The following MYRIP variants were observed in gnomAD, a reference collection of about 807,000 sequenced individuals.
The protein encoded by MYRIP is rab effector MyRIP.
Under a neutral mutation model 98.0 loss-of-function variants are expected in MYRIP, and 49 were observed. The ratio of observed to expected loss-of-function variants is 0.50; its 90% CI spans 0.40 to 0.63. The LOEUF (loss-of-function observed/expected upper bound fraction) is 0.63. MYRIP is among the 30% of genes least tolerant of loss of function. MYRIP has a pLI of 0.00. For missense variants in MYRIP, 1,004 were observed against 1,058.2 expected (o/e 0.95, Z 0.71); for synonymous variants, 404 against 409.5 (o/e 0.99, Z 0.16).
chr3:39,936,687 G>C (rs548702780), intron 2 of MYRIP, among the ~76,000 whole-genome samples: 1 of 152,132 alleles, frequency 6.6e-6, no homozygotes. Context: ...TGCTTGCACC[G>C]TAATACACAA....
chr3:40,011,916 A>T (rs1387745546), intron 2 of MYRIP, among the ~76,000 whole-genome samples: 1 of 152,236 alleles, frequency 6.6e-6, no homozygotes, highest in Admixed American at 6.5e-5. Context: ...GATTTCCAAT[A>T]TGTAAAAGAT....
At chr3:40,103,930 A>G (rs935356342) in intron 3 of MYRIP, among the ~76,000 whole-genome samples, 8 of 152,254 alleles carry the variant, frequency 5.3e-5, no homozygotes, top group Admixed American at 2.0e-4. Flanking sequence ...TGTTGACAGT[A>G]TGCCATCAAT....
At chr3:40,101,569 C>T (rs1575538480) in intron 3 of MYRIP, among the ~76,000 whole-genome samples, 1 of 152,142 alleles carries the variant, frequency 6.6e-6, no homozygotes, top group East Asian at 1.9e-4. Context: ...CAGATTAATT[C>T]TCTAGTTTTC....
At chr3:40,010,066 G>C (rs1226449005) in intron 2 of MYRIP, among the ~76,000 whole-genome samples, 1 of 152,184 alleles carries the variant, frequency 6.6e-6, no homozygotes, top group Non-Finnish European at 1.5e-5. Flanking sequence ...AGGGTCCTAG[G>C]CAGATGGCCA....
intron 3 of MYRIP, among the ~76,000 whole-genome samples, chr3:40,116,145 T>A (rs1949271840): frequency 6.6e-6 from 1 of 152,196 alleles, no homozygotes; most frequent in Non-Finnish European, 1.5e-5. Context: ...CCAGCTGTCA[T>A]CTTTTGCTTG....
intron 1 of MYRIP, among the ~76,000 whole-genome samples, chr3:39,834,026 T>C (rs1357024042): frequency 6.6e-6 from 1 of 152,222 alleles, no homozygotes; most frequent in Non-Finnish European, 1.5e-5. Flanking sequence ...CGAAACTCTG[T>C]CTTGAAAAGA....
rs534748153 is a variant in MYRIP, at chr3:39,988,208, C to T, written c.111-55842C>T. ...ATAGCATTAGGAGATATACCTAATG[C>T]TAAATGACGAGTTAATGGGTGCAGC... On this transcript the variant is annotated intron_variant, in intron 2 of 16. Transcript: ENST00000302541. Among the ~76,000 whole-genome samples the T allele has an allele frequency of 3.3e-4, 50 of 151,992 alleles. 1 individual carries two copies. The highest frequency in any genetic ancestry group is 9.9e-4 in the African/African-American group (41 of 41,446).
intron 12 of MYRIP, 118 bp downstream of exon 12, chr3:40,234,171 A>G: frequency 1.0e-6 from 1 of 1,003,448 alleles, no homozygotes; most frequent in Non-Finnish European, 1.4e-6. Context: ...CACCACTACC[A>G]CTATAGCAAA....
At chr3:40,185,268 G>A (rs1028560723) in intron 9 of MYRIP, among the ~76,000 whole-genome samples, 3 of 152,178 alleles carry the variant, frequency 2.0e-5, no homozygotes, top group Admixed American at 6.5e-5. Flanking sequence ...CAGTCTTGAC[G>A]CTGCTTATAG....
intron 2 of MYRIP, among the ~76,000 whole-genome samples, chr3:39,991,552 C>T (rs1946177348): frequency 6.6e-6 from 1 of 152,036 alleles, no homozygotes; most frequent in African/African-American, 2.4e-5. Context: ...TCCCTTTGCT[C>T]ATTTTGCTGT....
At position 40,190,475 on chromosome 3, in the gene MYRIP, G is replaced by C. The variant is rs371510640; in HGVS notation, c.1665+12G>C. ...TAGACACACATCAGGTAATGGAAGT[G>C]CATGCGTGCAAATGCACACACACTC... On this transcript the variant is annotated intron_variant, in intron 10 of 16. Transcript: ENST00000302541. The C allele has an allele frequency of 6.4e-7, 1 of 1,564,218 alleles. No individual in the cohort carries two copies. The highest frequency in any genetic ancestry group is 1.4e-5 in the African/African-American group (1 of 73,378).
chr3:40,202,646 CTTGTT>C (rs1055569858), intron 10 of MYRIP, among the ~76,000 whole-genome samples: 20 of 152,258 alleles, frequency 1.3e-4, no homozygotes, highest in African/African-American at 4.6e-4. Context: ...AGCATCCAGT[CTTGTT>C]TTGGTGTAAG....
intron 11 of MYRIP, among the ~76,000 whole-genome samples, chr3:40,217,884 T>C (rs1952171644): frequency 6.6e-6 from 1 of 152,104 alleles, no homozygotes; most frequent in African/African-American, 2.4e-5. Flanking sequence ...TTACCAATAT[T>C]AGATAGCAGA....
intron 2 of MYRIP, among the ~76,000 whole-genome samples, chr3:39,931,348 T>C (rs933577763): frequency 3.3e-5 from 5 of 152,072 alleles, no homozygotes; most frequent in African/African-American, 9.7e-5. Context: ...TGTTAGTATA[T>C]ATAAAGACAA....
chr3:40,129,440 CAAAAAAAAAAAAAAAA>C (rs386396419), intron 3 of MYRIP, among the ~76,000 whole-genome samples: 4 of 29,370 alleles, frequency 1.4e-4, no homozygotes, highest in East Asian at 1.1e-3. Flanking sequence ...GACTCTGTCT[CAAAAAAAAAAAAAAAA>C]AAAAAAAAAA....
At position 40,209,990 on chromosome 3, in the gene MYRIP, CA is replaced by C; in HGVS notation, c.1803del (p.Glu603ArgfsTer31). The C allele has an allele frequency of 6.2e-7, 1 of 1,614,068 alleles. No individual in the cohort carries two copies. Among genetic ancestry groups the C allele is most frequent in the Non-Finnish European group, 8.5e-7 (1 of 1,179,974 alleles). On this transcript the variant is annotated frameshift_variant, in exon 11 of 17. Coordinates refer to ENST00000302541, the MANE Select transcript of MYRIP (RefSeq NM_015460.4). LOFTEE classifies it high-confidence loss of function. Reference protein sequence around the residue: ...AMKMSEKETSSGEDQESEPKT... With the variant: ...AMKMSEKETSXGEDQESEPKT... ...AAAATGAGTGAAAAGGAGACTTCTT[CA>C]GGGGAGGATCAGGAGTCTGAGCCCA...
intron 2 of MYRIP, among the ~76,000 whole-genome samples, chr3:39,932,264 C>G (rs1276126247): frequency 2.0e-5 from 3 of 152,112 alleles, no homozygotes; most frequent in Non-Finnish European, 4.4e-5. Context: ...GAGGCTTGCA[C>G]TAATGTTTAA....
chr3:40,086,954 C>T (rs1306020266), intron 3 of MYRIP, among the ~76,000 whole-genome samples: 1 of 151,960 alleles, frequency 6.6e-6, no homozygotes, highest in African/African-American at 2.4e-5. Flanking sequence ...GGGAAGCCAG[C>T]GCCATGCCCT....
At chr3:40,143,599 T>A (rs1353372865) in intron 3 of MYRIP, among the ~76,000 whole-genome samples, 1 of 152,196 alleles carries the variant, frequency 6.6e-6, no homozygotes, top group Non-Finnish European at 1.5e-5. Context: ...CTAAGTCAAA[T>A]CATAATCGAA....
Sources: gnomAD v4.1 joint callset for allele counts (sites outside exome capture counted in the v4.1 genomes callset) on GRCh38, gnomAD v4.1.1 for gene constraint, MANE v1.5 for transcripts, NCBI Gene and HGNC (gene_info 2026-07-23, HGNC 2026-07-21) for gene names.